VPS8: variants seen among roughly 807,000 people sequenced by gnomAD.
VPS8 encodes the protein vacuolar protein sorting-associated protein 8 homolog.
Under a neutral mutation model 216.4 loss-of-function variants are expected in VPS8, and 129 were observed. The observed-to-expected ratio is 0.60, with a 90% CI of 0.52 to 0.69. The LOEUF (loss-of-function observed/expected upper bound fraction) is 0.69, where lower values mean the gene tolerates loss of function less well. Among genes scored for constraint, VPS8 ranks in the 30% least tolerant of loss-of-function variants. The pLI is 0.00. For synonymous variants in VPS8, 571 were observed against 565.4 expected (o/e 1.01, Z -0.14); for missense variants, 1,531 against 1,683.5 (o/e 0.91, Z 1.59).
intron 46 of VPS8, among the ~76,000 whole-genome samples, chr3:185,041,513 A>G (rs1326026665): frequency 6.6e-6 from 1 of 152,062 alleles, no homozygotes; most frequent in Non-Finnish European, 1.5e-5. Context: ...GTCTTCTTGG[A>G]TGTTGAGATT....
intron 46 of VPS8, among the ~76,000 whole-genome samples, chr3:185,036,085 G>A (rs940715290): frequency 2.6e-5 from 4 of 152,054 alleles, no homozygotes; most frequent in African/African-American, 9.7e-5. Flanking sequence ...AAGGAGAACT[G>A]CAAAACATTG....
At chr3:184,963,345 C>A (rs1560888852) in intron 37 of VPS8, among the ~76,000 whole-genome samples, 1 of 152,102 alleles carries the variant, frequency 6.6e-6, no homozygotes, top group Non-Finnish European at 1.5e-5. Context: ...ACTGCCTTTT[C>A]TGCTCTTTGG....
In VPS8 at chr3:185,039,679, A is replaced by C. The variant is rs149799603; in HGVS notation, c.4057-8800A>C. 3.3e-3 allele frequency among the ~76,000 whole-genome samples: 497 copies of C among 152,240 alleles called. 1 individual carries two copies. Among genetic ancestry groups the C allele is most frequent in the Non-Finnish European group, 5.3e-3 (361 of 68,018 alleles). On this transcript the variant is annotated intron_variant, in intron 46 of 47. Coordinates refer to ENST00000625842, the MANE Select transcript of VPS8 (RefSeq NM_001009921.3). Reference sequence around the variant, plus strand: ...TAGATTCTGGGATTAGCAGGTGATTAGTAGAAGAAAAGAGAAGGTCTGGAA... The same window carrying C: ...TAGATTCTGGGATTAGCAGGTGATTCGTAGAAGAAAAGAGAAGGTCTGGAA...
intron 36 of VPS8, among the ~76,000 whole-genome samples, chr3:184,951,132 G>A (rs1744629154): frequency 6.6e-6 from 1 of 152,132 alleles, no homozygotes; most frequent in Non-Finnish European, 1.5e-5. Context: ...GCTCCTTGAG[G>A]AATTGCCATA....
At chr3:184,905,756 A>G (rs942680350) in intron 25 of VPS8, among the ~76,000 whole-genome samples, 12 of 152,140 alleles carry the variant, frequency 7.9e-5, no homozygotes, top group Admixed American at 2.0e-4. Flanking sequence ...CACTAAGGCA[A>G]TTCACAAAAG....
At chr3:184,916,164 C>T (rs1435377349) in intron 28 of VPS8, among the ~76,000 whole-genome samples, 1 of 152,108 alleles carries the variant, frequency 6.6e-6, no homozygotes, top group Non-Finnish European at 1.5e-5. Flanking sequence ...CGAAATGGAA[C>T]GCGGAAGCTT....
chr3:184,895,414 A>G (rs1733197884), intron 23 of VPS8, among the ~76,000 whole-genome samples: 1 of 152,022 alleles, frequency 6.6e-6, no homozygotes, highest in African/African-American at 2.4e-5. Flanking sequence ...ATAACAGGCA[A>G]GTTATAGAAC....
chr3:184,951,115 G>T (rs1744624321), intron 36 of VPS8, among the ~76,000 whole-genome samples: 1 of 152,082 alleles, frequency 6.6e-6, no homozygotes, highest in African/African-American at 2.4e-5. Flanking sequence ...TGGTATTTCT[G>T]GTTCTAGCTC....
chr3:185,030,616 A>G (rs913975224), intron 46 of VPS8, among the ~76,000 whole-genome samples: 1 of 152,208 alleles, frequency 6.6e-6, no homozygotes, highest in African/African-American at 2.4e-5. Context: ...GTTCAGAGGG[A>G]CAAAGGACAG....
At chr3:184,894,132 A>C (rs1295260290) in intron 22 of VPS8, among the ~76,000 whole-genome samples, 1 of 152,142 alleles carries the variant, frequency 6.6e-6, no homozygotes, top group Admixed American at 6.5e-5. Context: ...TTCTTCTTCC[A>C]TGAATAATCA....
At chr3:185,009,977 T>G (rs1174300411) in intron 45 of VPS8, among the ~76,000 whole-genome samples, 6 of 106,898 alleles carry the variant, frequency 5.6e-5, no homozygotes, top group Non-Finnish European at 7.7e-5. Context: ...AGGAAACTAC[T>G]TCAGGTCCAA....
intron 35 of VPS8, among the ~76,000 whole-genome samples, chr3:184,938,996 C>T: frequency 6.8e-6 from 1 of 147,030 alleles, no homozygotes; most frequent in Admixed American, 6.8e-5. Context: ...TGTCAGTGCA[C>T]TCCAGCCTGG....
chr3:184,838,365 C>T (rs1327002723), intron 5 of VPS8, among the ~76,000 whole-genome samples: 2 of 152,106 alleles, frequency 1.3e-5, no homozygotes, highest in African/African-American at 4.8e-5. Context: ...TCTTTATGTA[C>T]TCCTACCATT....
At chr3:185,027,474 C>G (rs1757550998) in intron 46 of VPS8, among the ~76,000 whole-genome samples, 1 of 151,842 alleles carries the variant, frequency 6.6e-6, no homozygotes, top group South Asian at 2.1e-4. Flanking sequence ...GATCTCCTGA[C>G]CTCGTGATCC....
chr3:185,043,907 C>T (rs762701669), intron 46 of VPS8, among the ~76,000 whole-genome samples: 14 of 152,156 alleles, frequency 9.2e-5, no homozygotes, highest in Admixed American at 2.0e-4. Flanking sequence ...AAGTGACTTT[C>T]GGCTGGGCAC....
intron 43 of VPS8, among the ~76,000 whole-genome samples, chr3:184,996,055 G>A (rs1170293836): frequency 1.3e-5 from 2 of 152,190 alleles, no homozygotes; most frequent in East Asian, 3.9e-4. Flanking sequence ...TGAAGCTGCA[G>A]AATGGCAGAG....
At chr3:184,945,191 T>C (rs1288171380) in intron 36 of VPS8, among the ~76,000 whole-genome samples, 2 of 151,882 alleles carry the variant, frequency 1.3e-5, no homozygotes, top group Non-Finnish European at 2.9e-5. Flanking sequence ...ATATGTTTAT[T>C]ACATATATAT....
intron 1 of VPS8, among the ~76,000 whole-genome samples, chr3:184,822,458 AG>A (rs1450628921): frequency 4.4e-4 from 67 of 152,256 alleles, no homozygotes; most frequent in African/African-American, 1.6e-3. Flanking sequence ...TGAGATAAAA[AG>A]AGCTGGAAAA....
chr3:184,993,443 G>C (rs1307999964), intron 42 of VPS8, among the ~76,000 whole-genome samples: 2 of 151,974 alleles, frequency 1.3e-5, no homozygotes, highest in Non-Finnish European at 2.9e-5. Flanking sequence ...GAAATGCAGT[G>C]GAGAGAACAT....
Sources: allele counts gnomAD v4.1 joint callset (sites outside exome capture counted in the v4.1 genomes callset), GRCh38; gene constraint gnomAD v4.1.1; transcripts MANE v1.5; gene names NCBI Gene and HGNC (gene_info 2026-07-23, HGNC 2026-07-21).